The following CCDC150 variants were observed in gnomAD, a reference collection of about 807,000 sequenced individuals.
CCDC150 encodes the protein coiled-coil domain-containing protein 150.
Under a neutral mutation model 156.5 loss-of-function variants are expected in CCDC150, and 151 were observed. The observed-to-expected ratio is 0.97, with a 90% confidence interval of 0.85 to 1.10. The LOEUF (loss-of-function observed/expected upper bound fraction) is 1.10. CCDC150 is among the 50% of genes least tolerant of loss of function. The probability of loss-of-function intolerance (pLI) is 0.00; values close to 1 mark genes in which losing one functional copy is unlikely to be tolerated. For synonymous variants in CCDC150, 452 were observed against 429.4 expected (o/e 1.05, Z -0.65); for missense variants, 1,312 against 1,268.1 (o/e 1.03, Z -0.53).
intron 5 of CCDC150, among the ~76,000 whole-genome samples, chr2:196,659,971 C>T (rs1046913704): frequency 2.6e-5 from 4 of 152,232 alleles, no homozygotes; most frequent in African/African-American, 9.6e-5. Flanking sequence ...TGTGTTCCAC[C>T]TACCCATCCT....
intron 22 of CCDC150, 100 bp from the exon 23 acceptor site, chr2:196,729,093 T>C (rs1252369122): frequency 9.2e-7 from 1 of 1,087,414 alleles, no homozygotes; most frequent in Non-Finnish European, 1.3e-6. Flanking sequence ...CTCTCCTTTT[T>C]AAAAGAAGAT....
intron 21 of CCDC150, among the ~76,000 whole-genome samples, chr2:196,725,304 G>T (rs185469014): frequency 6.6e-6 from 1 of 152,258 alleles, no homozygotes; most frequent in African/African-American, 2.4e-5. Context: ...GTTTAAATCC[G>T]TTTAGTCCTT....
At chr2:196,696,716 A>C (rs1052233738) in intron 14 of CCDC150, among the ~76,000 whole-genome samples, 1 of 152,236 alleles carries the variant, frequency 6.6e-6, no homozygotes, top group Non-Finnish European at 1.5e-5. Flanking sequence ...GGAATGAGCT[A>C]GGGATTTCAG....
intron 5 of CCDC150, among the ~76,000 whole-genome samples, chr2:196,661,490 G>A (rs1693555656): frequency 1.3e-5 from 2 of 152,174 alleles, no homozygotes; most frequent in South Asian, 4.2e-4. Flanking sequence ...TTGCATTAGG[G>A]TCCACCCCAA....
In CCDC150 at chr2:196,666,803, A is replaced by G. The variant is rs545598553; in HGVS notation, c.847A>G (p.Lys283Glu). The change falls in exon 7 of 28, where the codon AAA becomes GAA. Residue 283 changes from lysine (K) to glutamate (E), a missense_variant. Transcript: ENST00000389175. ...QELLAQEQKK[K>E]EELEIATSQL... Reference sequence around the variant, plus strand: ...ACTACTGGCCCAGGAACAAAAAAAAAAAGAAGAGTTGGAGATTGCTACTTC... The same window carrying G: ...ACTACTGGCCCAGGAACAAAAAAAAGAAGAAGAGTTGGAGATTGCTACTTC... The G allele has an allele frequency of 1.4e-4, 219 of 1,613,806 alleles. 3 individuals are homozygous for G. The South Asian group carries it at 2.3e-3, about 17-fold the overall frequency.
chr2:196,639,785 C>G lies in CCDC150; in HGVS notation c.12+7C>G, dbSNP rs1175970910. The G allele has an allele frequency of 6.3e-7, 1 of 1,577,828 alleles. No homozygotes were observed. Among genetic ancestry groups the G allele is most frequent in the Non-Finnish European group, 8.6e-7 (1 of 1,158,092 alleles). ...CGGACAGATGGACTGTAAGGTGAGGCTGCCGGGCCCCGGGCTGGTGAGGGG... is the reference window on the plus strand; with the variant it reads ...CGGACAGATGGACTGTAAGGTGAGGGTGCCGGGCCCCGGGCTGGTGAGGGG... On this transcript the variant is annotated splice_region_variant and intron_variant, in intron 1 of 27. Coordinates refer to ENST00000389175, the MANE Select transcript of CCDC150 (RefSeq NM_001080539.2).
In CCDC150 at chr2:196,730,012, A is replaced by G. The variant is rs1698441178; in HGVS notation, c.2876A>G (p.Gln959Arg). 6.2e-7 allele frequency: 1 copy of G among 1,613,686 alleles called. No individual in the cohort carries two copies. Among genetic ancestry groups the G allele is most frequent in the African/African-American group, 1.3e-5 (1 of 74,958 alleles). The change falls in exon 25 of 28, where the codon CAG becomes CGG. Residue 959 changes from glutamine to arginine, a missense_variant. By Grantham distance (43) the Gln-to-Arg change is conservative. Transcript: ENST00000389175. ...ATGACTAACCTGCAGAAAGAGATGC[A>G]GATGTTGGCTAAGAGCCAATATGAT... ...CEMTNLQKEMQMLAKSQYDAS... is the reference protein window; with the variant it reads ...CEMTNLQKEMRMLAKSQYDAS...
intron 2 of CCDC150, among the ~76,000 whole-genome samples, chr2:196,647,458 G>T (rs950410970): frequency 4.6e-5 from 7 of 151,780 alleles, no homozygotes; most frequent in African/African-American, 1.7e-4. Context: ...ACAAGAAAAG[G>T]TTTATGAAAA....
chr2:196,690,377 TATA>T (rs1244946142), intron 13 of CCDC150, among the ~76,000 whole-genome samples: 3 of 152,098 alleles, frequency 2.0e-5, no homozygotes, highest in African/African-American at 4.8e-5. Flanking sequence ...AAACTTAAAG[TATA>T]ATAATAATAA....
rs201564457 is a variant in CCDC150 at position 196,732,171 on chromosome 2, T to C, written c.3189+19T>C. 79 of 1,613,364 alleles carry C rather than the reference T, an allele frequency of 4.9e-5. No individual in the cohort carries two copies. The highest frequency in any genetic ancestry group is 5.3e-5 in the Non-Finnish European group (63 of 1,179,618). Reference sequence around the variant, plus strand: ...GGAAAAGGTAAGATTAAGACATGGATGTCTTAAGCAATTTTCTACTTGTTG... The same window carrying C: ...GGAAAAGGTAAGATTAAGACATGGACGTCTTAAGCAATTTTCTACTTGTTG... On this transcript the variant is annotated intron_variant, in intron 27 of 27. Coordinates refer to ENST00000389175, the MANE Select transcript of CCDC150 (RefSeq NM_001080539.2).
At chr2:196,689,554 A>G (rs993870552) in intron 13 of CCDC150, among the ~76,000 whole-genome samples, 18 of 152,036 alleles carry the variant, frequency 1.2e-4, no homozygotes, top group African/African-American at 2.9e-4. Context: ...TTTGTCTGTT[A>G]TTGGTGTATA....
intron 23 of CCDC150, 132 bp downstream of exon 23, chr2:196,729,519 T>C (rs1575986185): frequency 1.1e-6 from 1 of 870,576 alleles, no homozygotes; most frequent in Non-Finnish European, 1.8e-6. Flanking sequence ...CCAGTTGTCT[T>C]TGGGGAGACT....
At chr2:196,677,000 A>C in intron 12 of CCDC150, 2 of 659,346 alleles carry the variant, frequency 3.0e-6, no homozygotes, top group African/African-American at 1.8e-5. Context: ...AGATTTTAAA[A>C]ATTGATTTCC....
intron 26 of CCDC150, 93 bp downstream of exon 26, chr2:196,731,038 G>A (rs2680967): frequency 0.69 from 577,199 of 841,490 alleles, 202,321 homozygotes; most frequent in East Asian, 0.93. Flanking sequence ...CTTCATTAAC[G>A]TAGTTGTCAG....
At chr2:196,640,849 A>G (rs1692178930) in intron 1 of CCDC150, among the ~76,000 whole-genome samples, 1 of 152,250 alleles carries the variant, frequency 6.6e-6, no homozygotes, top group Non-Finnish European at 1.5e-5. Flanking sequence ...GAGGGAGTCA[A>G]AATGATCCAG....
chr2:196,673,820 T>C (rs543230126), intron 9 of CCDC150, among the ~76,000 whole-genome samples: 36 of 152,332 alleles, frequency 2.4e-4, no homozygotes, highest in Non-Finnish European at 4.0e-4. Flanking sequence ...TTTGCTTTTA[T>C]GAATATTGTC....
intron 13 of CCDC150, among the ~76,000 whole-genome samples, chr2:196,678,262 A>T (rs893792282): frequency 6.6e-6 from 1 of 152,240 alleles, no homozygotes; most frequent in Non-Finnish European, 1.5e-5. Context: ...CAAGAAATCC[A>T]GCAATAGGTA....
intron 2 of CCDC150, among the ~76,000 whole-genome samples, chr2:196,655,955 T>C (rs917578433): frequency 2.0e-5 from 3 of 152,156 alleles, no homozygotes; most frequent in Non-Finnish European, 2.9e-5. Flanking sequence ...GTTAATTCCC[T>C]GATGCAGGCT....
At chr2:196,676,374 AT>A in intron 11 of CCDC150, 107 bp downstream of exon 11, 2 of 1,450,124 alleles carry the variant, frequency 1.4e-6, no homozygotes, top group South Asian at 1.4e-5. Flanking sequence ...TTGATTCTGC[AT>A]TTTTTGGGCC....
Sources: gnomAD v4.1 joint callset for allele counts (sites outside exome capture counted in the v4.1 genomes callset) on GRCh38, gnomAD v4.1.1 for gene constraint, MANE v1.5 for transcripts, NCBI Gene and HGNC (gene_info 2026-07-23, HGNC 2026-07-21) for gene names.